NXPH1: variants seen among roughly 807,000 people sequenced by gnomAD.
NXPH1 encodes neurexophilin 1, also known as neurexophilin-1.
A neutral mutation model predicts 23.7 loss-of-function variants in NXPH1; 5 were observed. The ratio of observed to expected loss-of-function variants is 0.21; its 90% CI spans 0.11 to 0.44. The LOEUF (loss-of-function observed/expected upper bound fraction) is 0.44, where lower values mean the gene tolerates loss of function less well. NXPH1 is among the 20% of genes least tolerant of loss of function. The pLI is 0.99. For synonymous variants in NXPH1, 144 were observed against 122.2 expected (o/e 1.18, Z -1.18); for missense variants, 324 against 321.6 (o/e 1.01, Z -0.06).
chr7:8,688,312 A>G (rs1049544924), intron 2 of NXPH1, among the ~76,000 whole-genome samples: 1 of 152,178 alleles, frequency 6.6e-6, no homozygotes, highest in African/African-American at 2.4e-5. Flanking sequence ...TTCATTATAC[A>G]TTATAAATTC....
chr7:8,735,509 C>G (rs889916941), intron 2 of NXPH1, among the ~76,000 whole-genome samples: 19 of 152,162 alleles, frequency 1.2e-4, no homozygotes, highest in Non-Finnish European at 4.4e-5. Flanking sequence ...GGTGGATAAG[C>G]TTTTGGATGT....
At chr7:8,605,552 C>G (rs1389669951) in intron 2 of NXPH1, among the ~76,000 whole-genome samples, 1 of 152,008 alleles carries the variant, frequency 6.6e-6, no homozygotes, top group African/African-American at 2.4e-5. Flanking sequence ...TAACAAGCAA[C>G]AAAAATTGAC....
At chr7:8,480,985 T>C (rs996326715) in intron 2 of NXPH1, among the ~76,000 whole-genome samples, 3 of 152,182 alleles carry the variant, frequency 2.0e-5, no homozygotes, top group Admixed American at 6.6e-5. Context: ...AAACTAGGCG[T>C]GAGAGGCTCA....
intron 2 of NXPH1, among the ~76,000 whole-genome samples, chr7:8,739,387 T>C (rs917466173): frequency 6.6e-6 from 1 of 152,002 alleles, no homozygotes; most frequent in African/African-American, 2.4e-5. Context: ...ACAGCTTCCT[T>C]TGGCTAGAGG....
At chr7:8,565,011 A>G (rs1368120565) in intron 2 of NXPH1, among the ~76,000 whole-genome samples, 1 of 151,734 alleles carries the variant, frequency 6.6e-6, no homozygotes, top group Non-Finnish European at 1.5e-5. Flanking sequence ...TAAATTTTGG[A>G]TTAGAGGTAG....
intron 2 of NXPH1, among the ~76,000 whole-genome samples, chr7:8,700,483 ACCTCTTTGG>A (rs1266499715): frequency 2.0e-5 from 3 of 152,054 alleles, no homozygotes; most frequent in Non-Finnish European, 4.4e-5. Flanking sequence ...TAAATGCTTT[ACCTCTTTGG>A]CCTTGGCTTC....
At chr7:8,509,093 T>A (rs73675739) in intron 2 of NXPH1, among the ~76,000 whole-genome samples, 1 of 152,066 alleles carries the variant, frequency 6.6e-6, no homozygotes, top group Non-Finnish European at 1.5e-5. Flanking sequence ...TAACACTTGG[T>A]GTAATTTTGA....
At chr7:8,662,119 T>C (rs1820685612) in intron 2 of NXPH1, among the ~76,000 whole-genome samples, 1 of 151,918 alleles carries the variant, frequency 6.6e-6, no homozygotes, top group African/African-American at 2.4e-5. Flanking sequence ...TTGGCTCACA[T>C]TTCTAGTTTA....
chr7:8,741,769 T>A (rs543619230), intron 2 of NXPH1, among the ~76,000 whole-genome samples: 1 of 152,046 alleles, frequency 6.6e-6, no homozygotes, highest in African/African-American at 2.4e-5. Context: ...GTGCCATGTG[T>A]CCCCCTAAAA....
At chr7:8,637,840 A>G (rs1328780349) in intron 2 of NXPH1, among the ~76,000 whole-genome samples, 1 of 152,216 alleles carries the variant, frequency 6.6e-6, no homozygotes, top group Non-Finnish European at 1.5e-5. Flanking sequence ...GGGTAAATAT[A>G]TTAATAAGAA....
chr7:8,585,326 C>T (rs761611153), intron 2 of NXPH1, among the ~76,000 whole-genome samples: 1 of 152,114 alleles, frequency 6.6e-6, no homozygotes, highest in African/African-American at 2.4e-5. Flanking sequence ...GCTTGCTCTG[C>T]CTGGGAGTGG....
intron 2 of NXPH1, among the ~76,000 whole-genome samples, chr7:8,733,630 C>T (rs969746086): frequency 6.6e-6 from 1 of 152,054 alleles, no homozygotes. Flanking sequence ...CTCTAATGAC[C>T]AGTGATGAGC....
chr7:8,631,914 C>G (rs562861966), intron 2 of NXPH1, among the ~76,000 whole-genome samples: 1 of 152,202 alleles, frequency 6.6e-6, no homozygotes, highest in African/African-American at 2.4e-5. Context: ...TGTATTTGAT[C>G]AAGATGAGTA....
chr7:8,727,630 C>G (rs1467681759), intron 2 of NXPH1, among the ~76,000 whole-genome samples: 1 of 152,112 alleles, frequency 6.6e-6, no homozygotes, highest in Non-Finnish European at 1.5e-5. Flanking sequence ...TCAGGTTTGT[C>G]AAAGATCAGA....
At chr7:8,658,242 C>T (rs1820612842) in intron 2 of NXPH1, among the ~76,000 whole-genome samples, 2 of 152,206 alleles carry the variant, frequency 1.3e-5, no homozygotes, top group Non-Finnish European at 2.9e-5. Context: ...AATACACTCT[C>T]TCAGTGCCTA....
At chr7:8,743,930 C>T (rs1341327120) in intron 2 of NXPH1, among the ~76,000 whole-genome samples, 3 of 152,026 alleles carry the variant, frequency 2.0e-5, no homozygotes, top group South Asian at 2.1e-4. Flanking sequence ...GTGATCCGCC[C>T]GCCTCGGCCT....
intron 2 of NXPH1, among the ~76,000 whole-genome samples, chr7:8,530,720 G>A (rs978522535): frequency 5.3e-5 from 8 of 152,220 alleles, no homozygotes; most frequent in Admixed American, 2.0e-4. Context: ...GCAGGCCCTT[G>A]CCCAATTGTC....
chr7:8,564,062 C>A (rs766657315), intron 2 of NXPH1, among the ~76,000 whole-genome samples: 1 of 151,768 alleles, frequency 6.6e-6, no homozygotes, highest in East Asian at 1.9e-4. Flanking sequence ...AAACTTCCCA[C>A]CTCCAATCCT....
intron 2 of NXPH1, among the ~76,000 whole-genome samples, chr7:8,504,307 A>T (rs759037677): frequency 2.0e-5 from 3 of 151,924 alleles, no homozygotes; most frequent in Non-Finnish European, 2.9e-5. Flanking sequence ...ATATTTTACT[A>T]GTTTTTCTTT....
Sources: gnomAD v4.1 joint callset for allele counts (sites outside exome capture counted in the v4.1 genomes callset) on GRCh38, gnomAD v4.1.1 for gene constraint, MANE v1.5 for transcripts, NCBI Gene and HGNC (gene_info 2026-07-23, HGNC 2026-07-21) for gene names.